ATP9A: variants seen among roughly 807,000 people sequenced by gnomAD.
The protein encoded by ATP9A is ATPase phospholipid transporting 9A.
ATP9A carries 52 observed loss-of-function variants against 144.1 expected under a neutral mutation model. The observed-to-expected ratio is 0.36, with a 90% CI of 0.29 to 0.45. The LOEUF (loss-of-function observed/expected upper bound fraction) is 0.45, where lower values mean the gene tolerates loss of function less well. Ranked by LOEUF, ATP9A falls within the 20% of genes least tolerant of loss-of-function variation. ATP9A has a pLI of 1.00. For missense variants in ATP9A, 947 were observed against 1,392.7 expected (o/e 0.68, Z 5.09); for synonymous variants, 582 against 557.4 (o/e 1.04, Z -0.62).
chr20:51,736,517 G>GT (rs11484154), intron 1 of ATP9A, among the ~76,000 whole-genome samples: 141,206 of 146,870 alleles, frequency 0.96, 67,880 homozygotes, highest in East Asian at 0.99. Context: ...TTTTGTTTTT[G>GT]TTTTTTTTTC....
Position 51,694,027 on chromosome 20 carries a change from T to C in ATP9A, c.623A>G (p.Gln208Arg), listed in dbSNP as rs1434801301. ...WKLRLPVACT[Q>R]RLPTAADLLQ... ...ACTCACGGCGGCCGTGGGGAGCCTC[T>C]GCGTGCAGGCCACGGGAAGCCGCAG... Residue 208 changes from glutamine to arginine, a missense_variant, in exon 7 of 28, where the codon CAG becomes CGG. Coordinates refer to ENST00000338821, the MANE Select transcript of ATP9A (RefSeq NM_006045.3). The C allele has an allele frequency of 6.2e-7, 1 of 1,613,770 alleles. No homozygotes were observed. Among genetic ancestry groups the C allele is most frequent in the South Asian group, 1.1e-5 (1 of 91,044 alleles).
chr20:51,702,172 G>A (rs552141195), intron 4 of ATP9A, among the ~76,000 whole-genome samples: 9 of 151,682 alleles, frequency 5.9e-5, no homozygotes, highest in Non-Finnish European at 8.8e-5. Context: ...GGTGGCAGGC[G>A]CCTGTAATCC....
chr20:51,767,530 C>T (rs867992344), intron 1 of ATP9A, among the ~76,000 whole-genome samples: 42 of 152,286 alleles, frequency 2.8e-4, no homozygotes, highest in African/African-American at 9.9e-4. Context: ...CCAACCCGTC[C>T]CCTCTTCCCA....
chr20:51,748,840 T>G (rs975167025), intron 1 of ATP9A, among the ~76,000 whole-genome samples: 1 of 152,038 alleles, frequency 6.6e-6, no homozygotes, highest in African/African-American at 2.4e-5. Context: ...ATCCCAGCAC[T>G]TTGGAGGCCC....
chr20:51,678,354 C>T (rs972055627), intron 9 of ATP9A, among the ~76,000 whole-genome samples: 3 of 152,110 alleles, frequency 2.0e-5, no homozygotes, highest in Non-Finnish European at 4.4e-5. Context: ...TACAAAAATC[C>T]GAAGAGGCTG....
chr20:51,768,327 G>A lies in ATP9A; in HGVS notation c.43C>T (p.Arg15Trp). Residue 15 changes from arginine to tryptophan, a missense_variant, in exon 1 of 28, where the codon CGG (arginine) becomes TGG (tryptophan). Arg to Trp is a moderately radical substitution (Grantham distance 101, BLOSUM62 -3). Transcript: ENST00000338821. ...CCGGCGCGGGGCCTGCTGTCCATCC[G>A]CTTCTTCTGGCGCACCGGCTGCAGC... Reference protein sequence around the residue: ...IPLQPVRQKKRMDSRPRAGCC... With the variant: ...IPLQPVRQKKWMDSRPRAGCC... The A allele has an allele frequency of 1.5e-6, 2 of 1,311,924 alleles. No homozygotes were observed. The highest frequency in any genetic ancestry group is 2.2e-5 in the South Asian group (1 of 44,588). The allele number at this position is 1,311,924 out of a possible 1,614,324, so 81.3% of individuals were successfully genotyped here. A position where few individuals can be genotyped will look rare whatever the true frequency, so the allele number is the denominator to read the frequency against.
intron 14 of ATP9A, among the ~76,000 whole-genome samples, chr20:51,643,057 C>T (rs1264416319): frequency 2.0e-5 from 3 of 152,176 alleles, no homozygotes; most frequent in East Asian, 1.9e-4. Context: ...TATCTTTATG[C>T]ATCCTTAGTC....
intron 19 of ATP9A, among the ~76,000 whole-genome samples, chr20:51,621,575 C>G (rs569286857): frequency 2.0e-5 from 3 of 152,164 alleles, no homozygotes; most frequent in African/African-American, 7.2e-5. Context: ...CAAGGGCGGG[C>G]GATTTCTCAT....
At chr20:51,705,888 T>C (rs1415783384) in intron 4 of ATP9A, among the ~76,000 whole-genome samples, 1 of 152,258 alleles carries the variant, frequency 6.6e-6, no homozygotes, top group Non-Finnish European at 1.5e-5. Context: ...TTCTCCTTTC[T>C]GGCTTTATTT....
intron 9 of ATP9A, 81 bp from the exon 10 acceptor site, chr20:51,676,289 C>T (rs1195817433): frequency 9.0e-7 from 1 of 1,108,498 alleles, no homozygotes; most frequent in Non-Finnish European, 1.3e-6. Context: ...AGAGTCTGAT[C>T]CTCTTGAGAG....
intron 9 of ATP9A, among the ~76,000 whole-genome samples, chr20:51,687,546 T>C (rs769837206): frequency 6.6e-6 from 1 of 152,138 alleles, no homozygotes; most frequent in Non-Finnish European, 1.5e-5. Flanking sequence ...GAAGGATCAC[T>C]TGAGTCTGAG....
chr20:51,748,737 C>T (rs1225199410), intron 1 of ATP9A, among the ~76,000 whole-genome samples: 2 of 152,144 alleles, frequency 1.3e-5, no homozygotes, highest in Non-Finnish European at 2.9e-5. Flanking sequence ...TGCAGTCTAA[C>T]ATGGGCACAA....
rs368679957 is a variant in ATP9A, at chr20:51,618,813, G to A, written c.2206-7C>T. On this transcript the variant is annotated splice_polypyrimidine_tract_variant and splice_region_variant and intron_variant, in intron 20 of 27. Transcript: ENST00000338821. ...CATAGTACTTGAGGCAAACCTGCAG[G>A]GTGGAGGGAGAGGTGGTGCGTTGGT... The A allele has an allele frequency of 1.0e-5, 16 of 1,582,474 alleles. No homozygotes were observed. In the African/African-American group the frequency reaches 2.2e-4, roughly 21 times the overall value.
At chr20:51,674,854 G>A (rs1421713630) in intron 10 of ATP9A, among the ~76,000 whole-genome samples, 1 of 152,072 alleles carries the variant, frequency 6.6e-6, no homozygotes, top group Non-Finnish European at 1.5e-5. Flanking sequence ...ATGGAGTCTC[G>A]CTTTGTCACC....
intron 25 of ATP9A, among the ~76,000 whole-genome samples, chr20:51,608,275 A>G (rs1487371534): frequency 6.6e-6 from 1 of 152,172 alleles, no homozygotes. Context: ...GCTTGTTTTC[A>G]GTTTATCTAT....
Position 51,676,170 on chromosome 20 carries a change from G to C in ATP9A, c.838C>G (p.Leu280Val). The C allele has an allele frequency of 6.2e-7, 1 of 1,611,612 alleles. No homozygotes were observed. Residue 280 changes from leucine (L) to valine (V), a missense_variant, in exon 10 of 28, where the codon CTC (leucine) becomes GTC (valine). Leu to Val is a conservative substitution (Grantham distance 32). Coordinates refer to ENST00000338821, the MANE Select transcript of ATP9A (RefSeq NM_006045.3). Reference sequence around the variant, plus strand: ...TTTGAGGTATTCATGACACTCCGGAGTTCTCTGCCAGTGTAAAGAACAACA... The same window carrying C: ...TTTGAGGTATTCATGACACTCCGGACTTCTCTGCCAGTGTAAAGAACAACA... ...VGVVLYTGRELRSVMNTSNPR... is the reference protein window; with the variant it reads ...VGVVLYTGREVRSVMNTSNPR...
At chr20:51,649,049 C>G (rs2077353403) in intron 14 of ATP9A, among the ~76,000 whole-genome samples, 1 of 151,904 alleles carries the variant, frequency 6.6e-6, no homozygotes, top group Non-Finnish European at 1.5e-5. Flanking sequence ...GAAGCTTCCC[C>G]AGATGAGAAA....
At chr20:51,683,960 C>A (rs1199469488) in intron 9 of ATP9A, among the ~76,000 whole-genome samples, 2 of 151,988 alleles carry the variant, frequency 1.3e-5, no homozygotes, top group African/African-American at 4.8e-5. Context: ...ACACAAAAAA[C>A]AGAAACCACA....
At chr20:51,663,290 G>A (rs530091719) in intron 13 of ATP9A, among the ~76,000 whole-genome samples, 30 of 152,248 alleles carry the variant, frequency 2.0e-4, no homozygotes, top group South Asian at 8.3e-4. Context: ...CAAAGGCAGA[G>A]CATTTGGCGT....
Sources: gnomAD v4.1 joint callset for allele counts (sites outside exome capture counted in the v4.1 genomes callset) on GRCh38, gnomAD v4.1.1 for gene constraint, MANE v1.5 for transcripts, NCBI Gene and HGNC (gene_info 2026-07-23, HGNC 2026-07-21) for gene names.